Variants in TRHDE observed in about 807,000 individuals in gnomAD.
TRHDE encodes thyrotropin-releasing hormone-degrading ectoenzyme.
A neutral mutation model predicts 125.7 loss-of-function variants in TRHDE; 72 were observed. The ratio of observed to expected loss-of-function variants is 0.57; its 90% CI spans 0.47 to 0.70. The LOEUF is 0.70. Among genes scored for constraint, TRHDE ranks in the 30% least tolerant of loss-of-function variants. The pLI is 0.00. For synonymous variants in TRHDE, 509 were observed against 509.1 expected, an observed-to-expected ratio of 1.00 and a Z score of 0.00; for missense variants, 1,110 against 1,327.1, an observed-to-expected ratio of 0.84 and a Z score of 2.54.
At chr12:72,571,719 A>G (rs939372170) in intron 10 of TRHDE, among the ~76,000 whole-genome samples, 1 of 152,146 alleles carries the variant, frequency 6.6e-6, no homozygotes, top group African/African-American at 2.4e-5. Context: ...AGGAAAGAAA[A>G]TATTAAAATA....
chr12:72,170,081 C>T (rs1056412028), intron 2 of TRHDE, among the ~76,000 whole-genome samples: 3 of 152,114 alleles, frequency 2.0e-5, no homozygotes, highest in Non-Finnish European at 2.9e-5. Flanking sequence ...TCGACCAGAA[C>T]GTATCGTCTT....
At chr12:72,622,692 C>A (rs1413048325) in intron 15 of TRHDE, among the ~76,000 whole-genome samples, 1 of 152,016 alleles carries the variant, frequency 6.6e-6, no homozygotes, top group Non-Finnish European at 1.5e-5. Context: ...GTATAACCTA[C>A]TTAGGAATGA....
At chr12:72,382,671 A>C (rs1187249665) in intron 3 of TRHDE, among the ~76,000 whole-genome samples, 2 of 152,188 alleles carry the variant, frequency 1.3e-5, no homozygotes, top group Non-Finnish European at 2.9e-5. Flanking sequence ...CTTTGGAAGG[A>C]ATGTTTGTAT....
At chr12:72,106,985 C>A (rs73146385) in intron 2 of TRHDE, among the ~76,000 whole-genome samples, 4,320 of 152,108 alleles carry the variant, frequency 0.028, 91 homozygotes, top group Non-Finnish European at 0.044. Context: ...AACTTCTCAA[C>A]ATCTGATCAG....
At chr12:72,101,767 C>T (rs991252499) in intron 1 of TRHDE, among the ~76,000 whole-genome samples, 2 of 152,216 alleles carry the variant, frequency 1.3e-5, no homozygotes, top group African/African-American at 4.8e-5. Context: ...GTGCTATTAT[C>T]TTTATGTTTA....
chr12:72,272,225 G>A, upstream of TRHDE: 1 of 408,548 alleles, frequency 2.4e-6, no homozygotes, highest in South Asian at 1.8e-5. The surrounding 1 kb of genome is among the most constrained non-coding windows in gnomAD (Gnocchi z 6.7). Flanking sequence ...TCTTCCCACC[G>A]CTCCCGTCCT....
chr12:72,398,204 G>A (rs1160766315), intron 3 of TRHDE, among the ~76,000 whole-genome samples: 1 of 151,880 alleles, frequency 6.6e-6, no homozygotes, highest in Non-Finnish European at 1.5e-5. Flanking sequence ...TGGTGTATAT[G>A]TGCCACATTT....
chr12:72,510,270 A>G (rs919997787), intron 6 of TRHDE, among the ~76,000 whole-genome samples: 5 of 152,166 alleles, frequency 3.3e-5, no homozygotes, highest in Admixed American at 6.5e-5. Flanking sequence ...CTATTTTGTG[A>G]TACTCTTTAG....
intron 2 of TRHDE, among the ~76,000 whole-genome samples, chr12:72,243,806 A>G (rs976014114): frequency 1.3e-5 from 2 of 152,090 alleles, no homozygotes; most frequent in African/African-American, 4.8e-5. Context: ...TTTCTTTTGA[A>G]ATTATTGAGT....
At chr12:72,172,990 A>G (rs1340782955) in intron 2 of TRHDE, among the ~76,000 whole-genome samples, 1 of 152,200 alleles carries the variant, frequency 6.6e-6, no homozygotes, top group African/African-American at 2.4e-5. Context: ...AACACATTGA[A>G]GGTATATCAG....
At chr12:72,268,823 A>G (rs1057148081), upstream of TRHDE, among the ~76,000 whole-genome samples, 1 of 152,082 alleles carries the variant, frequency 6.6e-6, no homozygotes, top group Admixed American at 6.5e-5. Flanking sequence ...TATTCAGACA[A>G]TTTTTACTTT....
rs1039218695 is a variant in TRHDE at position 72,669,603 on chromosome 12, T to C, written c.*6408T>C. 2 of 151,888 alleles carry C rather than the reference T, an allele frequency of 1.3e-5. No homozygotes were observed. The highest frequency in any genetic ancestry group is 2.9e-5 in the Non-Finnish European group (2 of 67,868). 9.4% of individuals were successfully genotyped at this position (151,888 alleles called of 1,614,324 possible). On this transcript the variant is annotated 3_prime_UTR_variant, in exon 19 of 19. Transcript: ENST00000261180. ...ATGTTCACAGTATTGCATTTGCTCT[T>C]GTAAACAATTTTGTTCCCACCTTTA...
At chr12:72,298,269 T>A (rs1565688679) in intron 2 of TRHDE, among the ~76,000 whole-genome samples, 1 of 152,194 alleles carries the variant, frequency 6.6e-6, no homozygotes, top group African/African-American at 2.4e-5. Flanking sequence ...AGCCAGTTAT[T>A]TTTTTCCTTC....
At chr12:72,553,274 C>T (rs1869761405) in intron 7 of TRHDE, among the ~76,000 whole-genome samples, 1 of 152,068 alleles carries the variant, frequency 6.6e-6, no homozygotes, top group Admixed American at 6.5e-5. Flanking sequence ...AAGATAAATA[C>T]TTGGATTCCT....
chr12:72,215,664 T>G (rs945302665), intron 2 of TRHDE, among the ~76,000 whole-genome samples: 1 of 152,184 alleles, frequency 6.6e-6, no homozygotes, highest in African/African-American at 2.4e-5. Flanking sequence ...TAGATAAATT[T>G]GGGCTCATGA....
chr12:72,257,334 A>G (rs1878841777), intron 2 of TRHDE: 1 of 152,180 alleles, frequency 6.6e-6, no homozygotes, highest in Non-Finnish European at 1.5e-5. Context: ...CAAAACTATT[A>G]AAAATATTAT....
chr12:72,581,860 T>A (rs1871243982), intron 12 of TRHDE, among the ~76,000 whole-genome samples: 1 of 151,680 alleles, frequency 6.6e-6, no homozygotes, highest in South Asian at 2.1e-4. Context: ...CCCAGCATTT[T>A]GGGAGGCCGA....
intron 2 of TRHDE, among the ~76,000 whole-genome samples, chr12:72,376,156 A>G (rs560422773): frequency 5.9e-5 from 9 of 152,326 alleles, no homozygotes; most frequent in East Asian, 5.8e-4. Context: ...GCCTCAAGGC[A>G]GTGTGAACTC....
intron 2 of TRHDE, among the ~76,000 whole-genome samples, chr12:72,376,320 C>T (rs1871879500): frequency 6.6e-6 from 1 of 152,172 alleles, no homozygotes; most frequent in Admixed American, 6.5e-5. Flanking sequence ...TATTAAATCA[C>T]TTGTACATTC....
Sources: gnomAD v4.1 joint callset for allele counts (sites outside exome capture counted in the v4.1 genomes callset) on GRCh38, gnomAD v4.1.1 for gene constraint, Gnocchi (gnomAD v3.1) non-coding constraint, MANE v1.5 for transcripts, NCBI Gene and HGNC (gene_info 2026-07-23, HGNC 2026-07-21) for gene names.